The following RGS13 variants were observed in gnomAD, a reference collection of about 807,000 sequenced individuals.
The protein encoded by RGS13 is regulator of G protein signaling 13.
Under a neutral mutation model 19.9 loss-of-function variants are expected in RGS13, and 14 were observed. The ratio of observed to expected loss-of-function variants is 0.70; its 90% CI spans 0.46 to 1.10. The LOEUF is 1.10. RGS13 is among the 50% of genes least tolerant of loss of function. The pLI is 0.00. For synonymous variants in RGS13, 60 were observed against 56.8 expected (o/e 1.06, Z -0.25); for missense variants, 205 against 187.1 (o/e 1.10, Z -0.56).
chr1:192,649,037 G>A (rs918046883), intron 5 of RGS13, among the ~76,000 whole-genome samples: 2 of 152,022 alleles, frequency 1.3e-5, no homozygotes, highest in Non-Finnish European at 2.9e-5. Context: ...CAACCATTCT[G>A]GCGCTTACTT....
chr1:192,637,390 G>T (rs1297823134), intron 1 of RGS13, among the ~76,000 whole-genome samples, 200 bp from the exon 2 acceptor site: 1 of 151,798 alleles, frequency 6.6e-6, no homozygotes. Context: ...TTTATAATAA[G>T]CCATGATATT....
chr1:192,645,962 A>G (rs1663213610), intron 4 of RGS13: 1 of 152,152 alleles, frequency 6.6e-6, no homozygotes, highest in African/African-American at 2.4e-5. Flanking sequence ...TCTTCCCTAT[A>G]TAATGGGAAT....
chr1:192,645,813 C>T (rs1342243562), intron 4 of RGS13: 3 of 152,118 alleles, frequency 2.0e-5, no homozygotes. Flanking sequence ...TACCCCCAAC[C>T]GTAATTACTC....
At chr1:192,648,215 T>C (rs1246860526) in intron 5 of RGS13, among the ~76,000 whole-genome samples, 1 of 152,170 alleles carries the variant, frequency 6.6e-6, no homozygotes, top group African/African-American at 2.4e-5. Context: ...TCTTCACAAG[T>C]ATATGCACAA....
At chr1:192,655,313 GC>G (rs1436560036) in intron 5 of RGS13, among the ~76,000 whole-genome samples, 11 of 152,084 alleles carry the variant, frequency 7.2e-5, no homozygotes, top group African/African-American at 2.7e-4. Flanking sequence ...ATCCAGTTCA[GC>G]TTTCGCTAGT....
At chr1:192,656,326 A>T (rs1243827763) in intron 5 of RGS13, among the ~76,000 whole-genome samples, 1 of 151,730 alleles carries the variant, frequency 6.6e-6, no homozygotes, top group Non-Finnish European at 1.5e-5. Flanking sequence ...TTGTTAAGCC[A>T]GAAACAGCTT....
chr1:192,648,690 T>A (rs2102033983), intron 5 of RGS13, among the ~76,000 whole-genome samples: 1 of 152,226 alleles, frequency 6.6e-6, no homozygotes. Flanking sequence ...TAAATGGAGT[T>A]GGTTCCCCTC....
chr1:192,651,604 T>C (rs543037106), intron 5 of RGS13, among the ~76,000 whole-genome samples: 1 of 151,832 alleles, frequency 6.6e-6, no homozygotes, highest in East Asian at 1.9e-4. Flanking sequence ...GAATGCAAAG[T>C]AGGAAGAAGC....
chr1:192,641,994 A>C (rs1482880541), intron 3 of RGS13, among the ~76,000 whole-genome samples: 1 of 151,994 alleles, frequency 6.6e-6, no homozygotes, highest in Non-Finnish European at 1.5e-5. Context: ...CCCTCACCTG[A>C]ACTCCTGCAG....
At chr1:192,638,087 T>C (rs531736042) in intron 2 of RGS13, 77 bp from the exon 3 acceptor site, 10 of 152,218 alleles carry the variant, frequency 6.6e-5, no homozygotes, top group African/African-American at 2.2e-4. Context: ...GGATTGTAGA[T>C]ACTTCTTTTT....
chr1:192,657,795 C>T (rs1335829162), intron 5 of RGS13, among the ~76,000 whole-genome samples: 2 of 152,078 alleles, frequency 1.3e-5, no homozygotes, highest in Non-Finnish European at 2.9e-5. Flanking sequence ...AGTTTACATT[C>T]AAAACCCTGC....
chr1:192,648,567 G>T (rs1663261049), intron 5 of RGS13, among the ~76,000 whole-genome samples: 1 of 152,056 alleles, frequency 6.6e-6, no homozygotes, highest in Non-Finnish European at 1.5e-5. Context: ...ATTGCGTTTG[G>T]GGTCAGAAAA....
Position 192,647,998 on chromosome 1 carries a change from C to A in RGS13, c.127+11C>A. 3 of 1,565,222 alleles carry A rather than the reference C, an allele frequency of 1.9e-6. No individual in the cohort carries two copies. Among genetic ancestry groups the A allele is most frequent in the Non-Finnish European group, 1.7e-6 (2 of 1,145,422 alleles). On this transcript the variant is annotated intron_variant, in intron 5 of 6. Coordinates refer to ENST00000391995, the MANE Select transcript of RGS13 (RefSeq NM_002927.5). Reference sequence around the variant, plus strand: ...TAATGGCTACAAAATGTGAGTATTGCGTATCTGTCATCTTTGAATAACTAG... The same window carrying A: ...TAATGGCTACAAAATGTGAGTATTGAGTATCTGTCATCTTTGAATAACTAG...
intron 5 of RGS13, among the ~76,000 whole-genome samples, chr1:192,654,386 C>G (rs1404480091): frequency 6.7e-6 from 1 of 149,926 alleles, no homozygotes; most frequent in Non-Finnish European, 1.5e-5. Context: ...AAAAAAAGAC[C>G]CACAACTCTT....
intron 1 of RGS13, among the ~76,000 whole-genome samples, 151 bp downstream of exon 1, chr1:192,636,468 C>CTTTT (rs1264084375): frequency 2.0e-5 from 3 of 151,914 alleles, no homozygotes; most frequent in African/African-American, 7.2e-5. Flanking sequence ...AACACATATT[C>CTTTT]TTTTGCCTGG....
At chr1:192,646,242 A>G (rs924287541) in intron 4 of RGS13, 2 of 152,122 alleles carry the variant, frequency 1.3e-5, no homozygotes, top group African/African-American at 4.8e-5. Flanking sequence ...AGGACTCCCA[A>G]TATTTTTCCA....
chr1:192,655,752 A>G (rs972011532), intron 5 of RGS13, among the ~76,000 whole-genome samples: 1 of 152,098 alleles, frequency 6.6e-6, no homozygotes, highest in Admixed American at 6.6e-5. Flanking sequence ...ATATCTATGC[A>G]GTATATATAG....
rs372562059 is a variant in RGS13 at position 192,641,962 on chromosome 1, C to A, written c.-4-2369C>A. The stretch of plus-strand genomic sequence containing the variant: ...ACAATCTCTCTCCTTCCCTCCATCT[C>A]CACTGCCACCTTCCTAATCATCCCT... On this transcript the variant is annotated intron_variant, in intron 3 of 6. Coordinates refer to ENST00000391995, the MANE Select transcript of RGS13 (RefSeq NM_002927.5). Among the ~76,000 whole-genome samples, 68 of 152,244 alleles carry A rather than the reference C, an allele frequency of 4.5e-4. No homozygotes were observed. The East Asian group carries it at 5.8e-3, about 13-fold the overall frequency.
At chr1:192,646,647 T>C (rs2102032757) in intron 4 of RGS13, 1 of 152,148 alleles carries the variant, frequency 6.6e-6, no homozygotes, top group East Asian at 1.9e-4. Flanking sequence ...CTCTCCCTCC[T>C]CCCACGCCCC....
Sources: gnomAD v4.1 joint callset for allele counts (sites outside exome capture counted in the v4.1 genomes callset) on GRCh38, gnomAD v4.1.1 for gene constraint, MANE v1.5 for transcripts, NCBI Gene and HGNC (gene_info 2026-07-23, HGNC 2026-07-21) for gene names.